Variants in GRID2 observed in about 807,000 individuals in gnomAD.
GRID2 encodes glutamate ionotropic receptor delta type subunit 2.
In GRID2, 33 loss-of-function variants were observed where a neutral mutation model predicts 114.8. That is an observed-to-expected ratio of 0.29 (90% CI 0.22 to 0.38). GRID2 has a LOEUF of 0.38. Ranked by LOEUF, GRID2 falls within the 10% of genes least tolerant of loss-of-function variation. The pLI is 1.00. For synonymous variants in GRID2, 505 were observed against 449.9 expected (o/e 1.12, Z -1.55); for missense variants, 1,184 against 1,257.7 (o/e 0.94, Z 0.89).
chr4:92,884,735 T>C (rs1168268810), intron 2 of GRID2: 1 of 243,434 alleles, frequency 4.1e-6, no homozygotes, highest in African/African-American at 2.3e-5. Context: ...CCTCCTTTAA[T>C]GTTCACTTGA....
chr4:92,650,186 A>T (rs1486771196), intron 2 of GRID2, among the ~76,000 whole-genome samples: 1 of 152,064 alleles, frequency 6.6e-6, no homozygotes, highest in Non-Finnish European at 1.5e-5. Context: ...AATAAGGAGG[A>T]AATATTCATG....
intron 14 of GRID2, among the ~76,000 whole-genome samples, chr4:93,637,197 C>T (rs1477687846): frequency 6.6e-6 from 1 of 152,040 alleles, no homozygotes; most frequent in East Asian, 1.9e-4. Context: ...ATGCTGTAGA[C>T]TAAAATAGTA....
intron 2 of GRID2, among the ~76,000 whole-genome samples, chr4:92,767,466 A>G (rs901550026): frequency 1.3e-5 from 2 of 152,194 alleles, no homozygotes; most frequent in African/African-American, 4.8e-5. Flanking sequence ...TATAATAGTA[A>G]TGATACTACT....
intron 2 of GRID2, among the ~76,000 whole-genome samples, chr4:92,600,063 T>TATATATAC (rs1560481998): frequency 1.5e-4 from 19 of 125,672 alleles, no homozygotes; most frequent in African/African-American, 5.5e-4. Flanking sequence ...TATATATATA[T>TATATATAC]ATATATATAT....
At chr4:92,844,734 A>AC (rs1223671703) in intron 2 of GRID2, among the ~76,000 whole-genome samples, 1 of 151,924 alleles carries the variant, frequency 6.6e-6, no homozygotes, top group Admixed American at 6.6e-5. Flanking sequence ...AGAAAAAAAA[A>AC]AGATTGAATT....
intron 2 of GRID2, among the ~76,000 whole-genome samples, chr4:92,629,722 A>G (rs147428709): frequency 7.1e-4 from 107 of 151,506 alleles, no homozygotes; most frequent in African/African-American, 2.4e-3. Flanking sequence ...AAATTTTAAT[A>G]GCTGAATGTT....
chr4:92,304,369 G>C lies in GRID2; in HGVS notation c.-288G>C, dbSNP rs1250462170. On this transcript the variant is annotated 5_prime_UTR_variant, in exon 1 of 16. Transcript: ENST00000282020. Reference sequence around the variant, plus strand: ...CCTCTCCCCCTGCCCAAGAGCAGTAGAGGCTGGATATATTTTTCAAAAGCC... The same window carrying C: ...CCTCTCCCCCTGCCCAAGAGCAGTACAGGCTGGATATATTTTTCAAAAGCC... 1 of 456,462 alleles carries C rather than the reference G, an allele frequency of 2.2e-6. No homozygotes were observed. Among genetic ancestry groups the C allele is most frequent in the Non-Finnish European group, 4.0e-6 (1 of 252,640 alleles). 28.3% of individuals were successfully genotyped at this position (456,462 alleles called of 1,614,324 possible).
chr4:93,543,759 C>T (rs1458483791), intron 13 of GRID2, among the ~76,000 whole-genome samples: 2 of 149,108 alleles, frequency 1.3e-5, no homozygotes, highest in South Asian at 4.3e-4. Context: ...GCAGCACTCA[C>T]TGGATCACAG....
chr4:93,628,203 T>C (rs1325318772), intron 14 of GRID2, among the ~76,000 whole-genome samples: 1 of 151,980 alleles, frequency 6.6e-6, no homozygotes. Context: ...GACGAGCAAA[T>C]TCTAAGAGGA....
chr4:93,593,054 T>G (rs1256392027), intron 13 of GRID2, among the ~76,000 whole-genome samples: 1 of 152,054 alleles, frequency 6.6e-6, no homozygotes, highest in Non-Finnish European at 1.5e-5. Context: ...TTAGTCCATT[T>G]ACATTTAAAG....
chr4:92,402,772 C>T (rs1317800137), intron 1 of GRID2, among the ~76,000 whole-genome samples: 1 of 152,150 alleles, frequency 6.6e-6, no homozygotes, highest in African/African-American at 2.4e-5. Context: ...GCATTGGCTT[C>T]CTCTTAAAGT....
chr4:92,625,512 T>C (rs536278649), intron 2 of GRID2, among the ~76,000 whole-genome samples: 2 of 151,858 alleles, frequency 1.3e-5, no homozygotes, highest in African/African-American at 2.4e-5. Context: ...TTTCGATTTA[T>C]ACTATGAGAT....
At chr4:93,421,347 G>A (rs924538547) in intron 9 of GRID2, among the ~76,000 whole-genome samples, 21 of 152,104 alleles carry the variant, frequency 1.4e-4, no homozygotes, top group African/African-American at 5.1e-4. Context: ...TATAATTAGA[G>A]AAGAAGAGAA....
chr4:93,359,407 G>T (rs550557458), intron 8 of GRID2, among the ~76,000 whole-genome samples: 27 of 151,892 alleles, frequency 1.8e-4, no homozygotes, highest in South Asian at 8.3e-4. Flanking sequence ...TTTCCCTCAA[G>T]CATTTATCAT....
At chr4:93,108,555 TTAAG>T (rs1294914355) in intron 3 of GRID2, among the ~76,000 whole-genome samples, 1 of 152,208 alleles carries the variant, frequency 6.6e-6, no homozygotes, top group Non-Finnish European at 1.5e-5. Context: ...GATGTACAAT[TTAAG>T]TAACTCAAAT....
intron 12 of GRID2, among the ~76,000 whole-genome samples, chr4:93,510,597 T>C (rs1243129156): frequency 1.3e-5 from 2 of 152,210 alleles, no homozygotes; most frequent in African/African-American, 4.8e-5. Context: ...TTTAGTATCA[T>C]AGAGTCACAC....
intron 11 of GRID2, among the ~76,000 whole-genome samples, chr4:93,481,282 G>A (rs1430800202): frequency 6.6e-6 from 1 of 152,038 alleles, no homozygotes; most frequent in East Asian, 1.9e-4. Context: ...CTCAGAAGTG[G>A]TGAGAGGTTG....
At chr4:93,413,610 T>C (rs748055755) in intron 9 of GRID2, among the ~76,000 whole-genome samples, 25 of 152,214 alleles carry the variant, frequency 1.6e-4, no homozygotes, top group Non-Finnish European at 2.9e-5. Flanking sequence ...TAAATAGTTC[T>C]TGTTATTTTA....
chr4:92,733,031 T>G (rs2149325756), intron 2 of GRID2, among the ~76,000 whole-genome samples: 1 of 152,132 alleles, frequency 6.6e-6, no homozygotes, highest in East Asian at 1.9e-4. Context: ...ACAAAGAGAC[T>G]TGAAAGATTT....
Sources: allele counts gnomAD v4.1 joint callset (sites outside exome capture counted in the v4.1 genomes callset), GRCh38; gene constraint gnomAD v4.1.1; transcripts MANE v1.5; gene names NCBI Gene and HGNC (gene_info 2026-07-23, HGNC 2026-07-21).